Variants in CDH13 observed in about 807,000 individuals in gnomAD.
CDH13 encodes the protein cadherin 13, also known as cadherin-13.
In CDH13, 24 loss-of-function variants were observed where a neutral mutation model predicts 63.8. The observed-to-expected ratio is 0.38, with a 90% CI of 0.27 to 0.53. The LOEUF is 0.53. Among genes scored for constraint, CDH13 ranks in the 20% least tolerant of loss-of-function variants. The pLI is 0.85. For synonymous variants in CDH13, 503 were observed against 355.3 expected, an observed-to-expected ratio of 1.42 and a Z score of -4.67; for missense variants, 1,049 against 903.1, an observed-to-expected ratio of 1.16 and a Z score of -2.07.
At chr16:83,365,965 A>T (rs1034633719) in intron 6 of CDH13, among the ~76,000 whole-genome samples, 1 of 152,180 alleles carries the variant, frequency 6.6e-6, no homozygotes, top group African/African-American at 2.4e-5. Flanking sequence ...ATGAGCCCCT[A>T]AGCAGGAAAC....
intron 1 of CDH13, among the ~76,000 whole-genome samples, chr16:82,677,619 G>T (rs1268573270): frequency 1.3e-5 from 2 of 152,026 alleles, no homozygotes; most frequent in African/African-American, 4.8e-5. Flanking sequence ...TCTAACTTAA[G>T]GGTTTAGAAG....
rs112551789 is a variant in CDH13, at chr16:83,193,183, G to A, written c.484-24162G>A. On this transcript the variant is annotated intron_variant, in intron 4 of 13. Coordinates refer to ENST00000567109, the MANE Select transcript of CDH13 (RefSeq NM_001257.5). ...AAAAAAAAAGATCAGGGTATTAGCC[G>A]TGGCAGCTATGTGGCTTCTAGATAC... Among the ~76,000 whole-genome samples, 1,211 of 151,778 alleles carry A rather than the reference G, an allele frequency of 8.0e-3. 10 individuals are homozygous for A. Among genetic ancestry groups the A allele is most frequent in the Non-Finnish European group, 0.013 (896 of 67,920 alleles).
intron 7 of CDH13, among the ~76,000 whole-genome samples, chr16:83,554,324 A>G (rs1403056825): frequency 3.9e-5 from 6 of 152,218 alleles, no homozygotes; most frequent in African/African-American, 1.2e-4. Context: ...ACAGAAAGCC[A>G]AACAGAAATG....
chr16:82,633,777 CTACA>C (rs1908316838), intron 1 of CDH13, among the ~76,000 whole-genome samples: 1 of 152,204 alleles, frequency 6.6e-6, no homozygotes. Context: ...CACGGCCGTT[CTACA>C]TACAGTGTTA....
intron 2 of CDH13, among the ~76,000 whole-genome samples, chr16:82,929,618 C>G (rs933918515): frequency 1.5e-5 from 2 of 131,782 alleles, no homozygotes; most frequent in Non-Finnish European, 3.1e-5. Context: ...CGCCACTGCA[C>G]TCCAGCTTGG....
intron 5 of CDH13, among the ~76,000 whole-genome samples, chr16:83,326,249 C>A (rs896588315): frequency 5.3e-5 from 8 of 152,136 alleles, no homozygotes; most frequent in Admixed American, 3.9e-4. Context: ...CTGGAAATTT[C>A]TTGGTAGCAA....
chr16:83,740,887 T>G (rs1342938027), intron 10 of CDH13, among the ~76,000 whole-genome samples: 1 of 152,198 alleles, frequency 6.6e-6, no homozygotes, highest in East Asian at 1.9e-4. Flanking sequence ...CTGGGAAATT[T>G]GCTAATTTCA....
chr16:83,372,749 T>TCAAAAAAAAAAAAA lies in CDH13; in HGVS notation c.781+27743_781+27744insCAAAAAAAAAAAAA. Among the ~76,000 whole-genome samples, 2 of 95,574 alleles carry TCAAAAAAAAAAAAA rather than the reference T, an allele frequency of 2.1e-5. 1 individual carries two copies. Among genetic ancestry groups the TCAAAAAAAAAAAAA allele is most frequent in the Non-Finnish European group, 4.1e-5 (2 of 49,348 alleles). The allele number at this position is 95,574 out of a possible 152,430, so 62.7% of individuals were successfully genotyped here. A position where few individuals can be genotyped will look rare whatever the true frequency, so the allele number is the denominator to read the frequency against. On this transcript the variant is annotated intron_variant, in intron 6 of 13. Transcript: ENST00000567109. ...CCTGGTGACAGAGCGAGACTCGGTCTAAAAAAAAAAAAAAAAAAAAAAAAG... is the reference window on the plus strand; with the variant it reads ...CCTGGTGACAGAGCGAGACTCGGTCTCAAAAAAAAAAAAAAAAAAAAAAAAAAAAAAAAAAAAAG...
At chr16:83,791,797 C>A (rs1040044914) in intron 13 of CDH13, among the ~76,000 whole-genome samples, 13 of 99,432 alleles carry the variant, frequency 1.3e-4, no homozygotes, top group African/African-American at 1.7e-4. Flanking sequence ...GGCAACAGAG[C>A]AAGACTTTGT....
In CDH13 at chr16:83,049,323, C is replaced by CACTTT. The variant is rs1192950905; in HGVS notation, c.366+17105_366+17106insACTTT. ...CAATACTTGGGCATTTATGACTGGC[C>CACTTT]TCTTTTTTTTTTTTTTTTTTTTTGA... On this transcript the variant is annotated intron_variant, in intron 3 of 13. Coordinates refer to ENST00000567109, the MANE Select transcript of CDH13 (RefSeq NM_001257.5). 3.3e-4 allele frequency among the ~76,000 whole-genome samples: 23 copies of CACTTT among 68,988 alleles called. 5 individuals are homozygous for CACTTT. Among genetic ancestry groups the CACTTT allele is most frequent in the Non-Finnish European group, 3.9e-4 (13 of 33,126 alleles). The allele number at this position is 68,988 out of a possible 152,430, so 45.3% of individuals were successfully genotyped here. A position where few individuals can be genotyped will look rare whatever the true frequency, so the allele number is the denominator to read the frequency against.
chr16:82,841,756 G>T (rs1401696690), intron 1 of CDH13, among the ~76,000 whole-genome samples: 1 of 152,120 alleles, frequency 6.6e-6, no homozygotes, highest in South Asian at 2.1e-4. Flanking sequence ...GTTCATGAAG[G>T]TCCTACAAAA....
chr16:83,434,847 A>ATGTGTGTG (rs1267789287), intron 6 of CDH13, among the ~76,000 whole-genome samples: 3,023 of 81,302 alleles, frequency 0.037, 39 homozygotes, highest in Non-Finnish European at 0.047. Flanking sequence ...ATATATATAT[A>ATGTGTGTG]TGTGTGTGCG....
chr16:82,964,166 G>A (rs1907468101), intron 2 of CDH13, among the ~76,000 whole-genome samples: 1 of 152,210 alleles, frequency 6.6e-6, no homozygotes, highest in Admixed American at 6.5e-5. Flanking sequence ...TAATGGGCCT[G>A]CTCTGTATTA....
chr16:83,636,225 A>C (rs1236170967), intron 8 of CDH13, among the ~76,000 whole-genome samples: 1 of 152,200 alleles, frequency 6.6e-6, no homozygotes, highest in Non-Finnish European at 1.5e-5. Flanking sequence ...GGAGCTGTAG[A>C]GTAAGGCTTC....
chr16:83,007,663 C>G (rs1035070724), intron 2 of CDH13, among the ~76,000 whole-genome samples: 1 of 151,934 alleles, frequency 6.6e-6, no homozygotes, highest in African/African-American at 2.4e-5. Context: ...AACCCTGTAT[C>G]TACTAAAAAT....
chr16:83,474,423 C>A (rs12164983), intron 6 of CDH13, among the ~76,000 whole-genome samples: 1 of 152,194 alleles, frequency 6.6e-6, no homozygotes, highest in Admixed American at 6.5e-5. Context: ...CAAGGCCCCA[C>A]ACCAGGCCAG....
intron 1 of CDH13, among the ~76,000 whole-genome samples, chr16:82,841,641 A>C (rs2039014218): frequency 6.6e-6 from 1 of 152,124 alleles, no homozygotes; most frequent in Non-Finnish European, 1.5e-5. Context: ...AGGGTTTTCC[A>C]GGCTGTTTTA....
intron 1 of CDH13, among the ~76,000 whole-genome samples, chr16:82,742,724 T>C (rs2151056305): frequency 6.6e-6 from 1 of 152,300 alleles, no homozygotes; most frequent in South Asian, 2.1e-4. Context: ...TAATTGTAAC[T>C]CTGAAGAACG....
At chr16:83,748,003 A>T in intron 10 of CDH13, 105 bp from the exon 11 acceptor site, 1 of 1,221,310 alleles carries the variant, frequency 8.2e-7, no homozygotes, top group Non-Finnish European at 1.2e-6. Context: ...GATTTTTGTT[A>T]CCTAGGATCC....
Sources: allele counts gnomAD v4.1 joint callset (sites outside exome capture counted in the v4.1 genomes callset), GRCh38; gene constraint gnomAD v4.1.1; transcripts MANE v1.5; gene names NCBI Gene and HGNC (gene_info 2026-07-23, HGNC 2026-07-21).